The following NUBPL variants were observed in gnomAD, a reference collection of about 807,000 sequenced individuals.
NUBPL encodes iron-sulfur cluster transfer protein NUBPL.
A neutral mutation model predicts 45.7 loss-of-function variants in NUBPL; 31 were observed. The ratio of observed to expected loss-of-function variants is 0.68; its 90% CI spans 0.51 to 0.92. The LOEUF is 0.92. NUBPL is among the 40% of genes least tolerant of loss of function. The probability of loss-of-function intolerance (pLI) is 0.00; values close to 1 mark genes in which losing one functional copy is unlikely to be tolerated. For missense variants in NUBPL, 401 were observed against 398.7 expected (o/e 1.01, Z -0.05); for synonymous variants, 144 against 140.9 (o/e 1.02, Z -0.15).
At chr14:31,806,486 G>A (rs7145749) in intron 7 of NUBPL, among the ~76,000 whole-genome samples, 94,069 of 152,010 alleles carry the variant, frequency 0.62, 30,177 homozygotes, top group African/African-American at 0.8. Flanking sequence ...AGTTTTTTCA[G>A]TTGTAGAGCC....
At chr14:31,754,855 C>A (rs1216413556) in intron 6 of NUBPL, among the ~76,000 whole-genome samples, 2 of 107,866 alleles carry the variant, frequency 1.9e-5, no homozygotes, top group Non-Finnish European at 3.7e-5. Context: ...CCCCTCCCCC[C>A]ACCCCACAAC....
chr14:31,857,800 A>G (rs908472469), intron 10 of NUBPL, among the ~76,000 whole-genome samples: 77 of 151,148 alleles, frequency 5.1e-4, no homozygotes, highest in Non-Finnish European at 1.3e-4. Flanking sequence ...CAGTATCAGC[A>G]TTTTTGTCAA....
intron 6 of NUBPL, among the ~76,000 whole-genome samples, chr14:31,764,179 G>A (rs2038869693): frequency 6.6e-6 from 1 of 152,166 alleles, no homozygotes; most frequent in Non-Finnish European, 1.5e-5. Context: ...TGGAGACAGG[G>A]ACAGATGAGA....
chr14:31,818,791 G>T (rs528997701), intron 7 of NUBPL, among the ~76,000 whole-genome samples: 2 of 152,244 alleles, frequency 1.3e-5, no homozygotes, highest in East Asian at 3.9e-4. Flanking sequence ...CTTGTGATCT[G>T]CCTGCCTCGG....
intron 7 of NUBPL, among the ~76,000 whole-genome samples, chr14:31,823,530 A>G (rs113816576): frequency 0.01 from 1,591 of 152,252 alleles, 24 homozygotes; most frequent in African/African-American, 0.036. Flanking sequence ...GGAAGAGAAT[A>G]GCTCTGAGAT....
intron 6 of NUBPL, among the ~76,000 whole-genome samples, chr14:31,755,347 C>T (rs1323079050): frequency 6.6e-6 from 1 of 152,204 alleles, no homozygotes; most frequent in East Asian, 1.9e-4. Flanking sequence ...TCTCCACATC[C>T]TCTCCAGCAC....
At chr14:31,610,608 C>CAA (rs775656176) in intron 4 of NUBPL, among the ~76,000 whole-genome samples, 11,058 of 94,186 alleles carry the variant, frequency 0.12, 900 homozygotes, top group African/African-American at 0.26. Flanking sequence ...AAAGATACAT[C>CAA]AAAAAAAAAA....
chr14:31,644,341 T>A (rs1228399226), intron 4 of NUBPL, among the ~76,000 whole-genome samples: 5 of 152,154 alleles, frequency 3.3e-5, no homozygotes, highest in Non-Finnish European at 7.4e-5. Flanking sequence ...GATTTTGGTA[T>A]GCTGTATTTT....
chr14:31,739,224 A>ATATTATATTCTC (rs1566533775), intron 6 of NUBPL, among the ~76,000 whole-genome samples: 2 of 138,234 alleles, frequency 1.4e-5, no homozygotes, highest in Non-Finnish European at 3.2e-5. Context: ...TATATTATAT[A>ATATTATATTCTC]TATATATATT....
chr14:31,680,994 T>C (rs1180345220), intron 6 of NUBPL, among the ~76,000 whole-genome samples: 1 of 152,160 alleles, frequency 6.6e-6, no homozygotes, highest in Non-Finnish European at 1.5e-5. Context: ...ATAGTGTTTG[T>C]GAATAATATT....
intron 3 of NUBPL, among the ~76,000 whole-genome samples, chr14:31,596,310 A>G (rs2034282009): frequency 6.6e-6 from 1 of 152,214 alleles, no homozygotes; most frequent in Non-Finnish European, 1.5e-5. Context: ...AATCTAGCCA[A>G]TTAAGGATGA....
At chr14:31,745,299 A>G (rs2038373916) in intron 6 of NUBPL, among the ~76,000 whole-genome samples, 1 of 151,642 alleles carries the variant, frequency 6.6e-6, no homozygotes, top group Non-Finnish European at 1.5e-5. Flanking sequence ...AGAACATGTG[A>G]TGTTTGGTTT....
intron 4 of NUBPL, among the ~76,000 whole-genome samples, chr14:31,645,752 T>G (rs1032835040): frequency 1.3e-5 from 2 of 151,162 alleles, no homozygotes; most frequent in Non-Finnish European, 2.9e-5. Context: ...ATAAAGAATT[T>G]TTTAAAACTT....
chr14:31,649,394 G>A (rs2035941092), intron 4 of NUBPL, among the ~76,000 whole-genome samples: 1 of 152,126 alleles, frequency 6.6e-6, no homozygotes, highest in South Asian at 2.1e-4. Flanking sequence ...AATTTCACTG[G>A]TTTATAATTG....
At chr14:31,709,145 G>A (rs2037516439) in intron 6 of NUBPL, among the ~76,000 whole-genome samples, 1 of 152,164 alleles carries the variant, frequency 6.6e-6, no homozygotes, top group African/African-American at 2.4e-5. Context: ...AGGGCCCAGG[G>A]CTTGCTTTTG....
chr14:31,605,829 TCTC>T (rs1443279907), intron 4 of NUBPL, among the ~76,000 whole-genome samples: 1 of 143,986 alleles, frequency 6.9e-6, no homozygotes, highest in Non-Finnish European at 1.5e-5. Flanking sequence ...TCCTTTCTCG[TCTC>T]CTCCTTTCTT....
chr14:31,810,679 T>C (rs2039784895), intron 7 of NUBPL, among the ~76,000 whole-genome samples: 1 of 152,242 alleles, frequency 6.6e-6, no homozygotes. Flanking sequence ...GCTGATTATT[T>C]TGTCCATTAG....
At chr14:31,627,602 T>C (rs2035238155) in intron 4 of NUBPL, among the ~76,000 whole-genome samples, 1 of 151,768 alleles carries the variant, frequency 6.6e-6, no homozygotes, top group Non-Finnish European at 1.5e-5. Context: ...TTGTCTCTAC[T>C]AACAATAGAA....
chr14:31,593,422 G>A (rs550356885), intron 3 of NUBPL, among the ~76,000 whole-genome samples: 1 of 148,918 alleles, frequency 6.7e-6, no homozygotes, highest in South Asian at 2.1e-4. Context: ...GCTGAGGCAG[G>A]AGAATGGCGT....
Sources: gnomAD v4.1 joint callset for allele counts (sites outside exome capture counted in the v4.1 genomes callset) on GRCh38, gnomAD v4.1.1 for gene constraint, MANE v1.5 for transcripts, NCBI Gene and HGNC (gene_info 2026-07-23, HGNC 2026-07-21) for gene names.